ZNF518A: variants seen among roughly 807,000 people sequenced by gnomAD.
ZNF518A encodes zinc finger protein 518.
A neutral mutation model predicts 102.7 loss-of-function variants in ZNF518A; 47 were observed. The observed-to-expected ratio is 0.46, with a 90% CI of 0.36 to 0.58. The LOEUF (loss-of-function observed/expected upper bound fraction) is 0.58, where lower values mean the gene tolerates loss of function less well. ZNF518A is among the 20% of genes least tolerant of loss of function. The pLI, the probability that ZNF518A is intolerant of heterozygous loss-of-function variation, is 0.00. For synonymous variants in ZNF518A, 652 were observed against 594.6 expected, an observed-to-expected ratio of 1.10 and a Z score of -1.40; for missense variants, 1,793 against 1,699.8, an observed-to-expected ratio of 1.05 and a Z score of -0.96.
At chr10:96,167,902 G>A (rs1432884720), downstream of ZNF518A, among the ~76,000 whole-genome samples, 1 of 152,140 alleles carries the variant, frequency 6.6e-6, no homozygotes, top group Non-Finnish European at 1.5e-5. Context: ...AAAAGACAGC[G>A]TTTTTATTAC....
In ZNF518A at chr10:96,160,154, A is replaced by C. The variant is rs781865287; in HGVS notation, c.3832A>C (p.Lys1278Gln). The change falls in exon 6 of 6, where the codon AAA becomes CAA. Residue 1278 changes from lysine (K) to glutamine (Q), a missense_variant. Lys to Gln is a moderately conservative substitution (Grantham distance 53). This residue lies in a region of ZNF518A where 1,741 missense variants were observed against 1,622.6 expected (regional missense o/e 1.07). Coordinates refer to ENST00000316045, the MANE Select transcript of ZNF518A (RefSeq NM_001330736.2). Reference sequence around the variant, plus strand: ...CTTTGTATCTAGAAACAGAAACTGTAAACGAAAGTGTAGGGATAGTTACCA... The same window carrying C: ...CTTTGTATCTAGAAACAGAAACTGTCAACGAAAGTGTAGGGATAGTTACCA... ...TAFVSRNRNCKRKCRDSYQEP... is the reference protein window; with the variant it reads ...TAFVSRNRNCQRKCRDSYQEP... 1.8e-5 allele frequency: 29 copies of C among 1,609,772 alleles called. No homozygotes were observed. Among genetic ancestry groups the C allele is most frequent in the Non-Finnish European group, 2.5e-5 (29 of 1,178,308 alleles).
chr10:96,165,776 A>T (rs2083134593), downstream of ZNF518A, among the ~76,000 whole-genome samples: 1 of 152,122 alleles, frequency 6.6e-6, no homozygotes, highest in Admixed American at 6.5e-5. Flanking sequence ...AACTGACAAC[A>T]CATTATTACA....
At position 96,162,721 on chromosome 10, in the gene ZNF518A, CTTGT is replaced by C. The variant is rs1413313861; in HGVS notation, c.*1952_*1955del. On this transcript the variant is annotated 3_prime_UTR_variant, in exon 6 of 6. Coordinates refer to ENST00000316045, the MANE Select transcript of ZNF518A (RefSeq NM_001330736.2). ...AATGAACATTTTCAATTAAATTTAT[CTTGT>C]TTGTGTTTACACAATAATTTTTTTA... is the stretch of plus-strand genomic sequence containing the variant. The C allele has an allele frequency of 1.8e-5, 3 of 165,948 alleles. No homozygotes were observed. The highest frequency in any genetic ancestry group is 7.2e-5 in the African/African-American group (3 of 41,422). The allele number at this position is 165,948 out of a possible 1,614,324, so 10.3% of individuals were successfully genotyped here.
chr10:96,178,726 G>A (rs1456566733), intron 1 of ZNF518A, among the ~76,000 whole-genome samples: 1 of 151,974 alleles, frequency 6.6e-6, no homozygotes. Flanking sequence ...CGAGAAAAAT[G>A]TTAAAGAGGG....
intron 3 of ZNF518A, among the ~76,000 whole-genome samples, chr10:96,147,507 C>T (rs1591172032): frequency 6.6e-6 from 1 of 152,076 alleles, no homozygotes; most frequent in Admixed American, 6.5e-5. Context: ...CTTATAGTAA[C>T]AACTTGGGGA....
intron 3 of ZNF518A, among the ~76,000 whole-genome samples, chr10:96,136,176 A>C (rs2081586827): frequency 6.6e-6 from 1 of 152,004 alleles, no homozygotes; most frequent in South Asian, 2.1e-4. Flanking sequence ...CTTTGAAAAA[A>C]TGTGTATATT....
intron 1 of ZNF518A, chr10:96,189,895 C>A (rs1177637824): frequency 3.1e-5 from 32 of 1,048,796 alleles, no homozygotes; most frequent in Admixed American, 6.8e-5. Context: ...CACTAATATG[C>A]ACTGGCCCTG....
intron 1 of ZNF518A, among the ~76,000 whole-genome samples, chr10:96,186,756 G>A (rs587639626): frequency 6.6e-6 from 1 of 152,246 alleles, no homozygotes; most frequent in African/African-American, 2.4e-5. Context: ...ACTTTCCCAA[G>A]TTCACACAAT....
rs781955428 is a variant in ZNF518A, at chr10:96,158,524, C to T, written c.2202C>T (p.Tyr734=). 1.2e-6 allele frequency: 2 copies of T among 1,612,728 alleles called. No individual in the cohort carries two copies. Among genetic ancestry groups the T allele is most frequent in the South Asian group, 1.1e-5 (1 of 91,014 alleles). Residue 734 remains tyrosine (Y), a synonymous_variant, in exon 6 of 6, where the codon TAC becomes TAT. Transcript: ENST00000316045. Reference sequence around the variant, plus strand: ...AAAACATTGATGGACAAAACCTGTACAGTAATGAAAATCAAAATTTAGAGT... The same window carrying T: ...AAAACATTGATGGACAAAACCTGTATAGTAATGAAAATCAAAATTTAGAGT... The part of the protein sequence containing the change: ...KGQNIDGQNL[Y]SNENQNLECA...
At chr10:96,186,325 G>C (rs2083271602) in intron 1 of ZNF518A, among the ~76,000 whole-genome samples, 1 of 152,192 alleles carries the variant, frequency 6.6e-6, no homozygotes, top group Non-Finnish European at 1.5e-5. Context: ...GCAGACCGGA[G>C]CTGTTACTAT....
At chr10:96,170,956 A>G (rs1418346839) in intron 1 of ZNF518A, among the ~76,000 whole-genome samples, 1 of 152,178 alleles carries the variant, frequency 6.6e-6, no homozygotes, top group Non-Finnish European at 1.5e-5. Flanking sequence ...GCCAAAAAGC[A>G]CATGAAAAGA....
rs1001617172 is a variant in ZNF518A, at chr10:96,162,582, T to A, written c.*1808T>A. Reference sequence around the variant, plus strand: ...TTAGTGAAGTATTTTTTGTATAAAATGTTACAATTGTGTTTCTTAAATTGA... The same window carrying A: ...TTAGTGAAGTATTTTTTGTATAAAAAGTTACAATTGTGTTTCTTAAATTGA... On this transcript the variant is annotated 3_prime_UTR_variant, in exon 6 of 6. Coordinates refer to ENST00000316045, the MANE Select transcript of ZNF518A (RefSeq NM_001330736.2). The A allele has an allele frequency of 1.8e-5, 3 of 166,836 alleles. No homozygotes were observed. In the Admixed American group the frequency reaches 2.0e-4, roughly 11 times the overall value. The allele number at this position is 166,836 out of a possible 1,614,324, so 10.3% of individuals were successfully genotyped here.
intron 3 of ZNF518A, 133 bp from the exon 4 acceptor site, chr10:96,155,193 A>G (rs1554881782): frequency 1.3e-5 from 2 of 152,216 alleles, no homozygotes. Flanking sequence ...TGGTAATCAC[A>G]TAGAGTAATA....
At chr10:96,140,154 G>A (rs782129521) in intron 3 of ZNF518A, among the ~76,000 whole-genome samples, 3 of 152,080 alleles carry the variant, frequency 2.0e-5, no homozygotes, top group Admixed American at 2.0e-4. Flanking sequence ...CACCTCGCCC[G>A]GCCCAAGATC....
chr10:96,140,554 C>T, intron 3 of ZNF518A, among the ~76,000 whole-genome samples: 1 of 152,058 alleles, frequency 6.6e-6, no homozygotes, highest in Non-Finnish European at 1.5e-5. Flanking sequence ...GAAAATAATT[C>T]CTTTTCTATA....
At chr10:96,198,844 G>A (rs1554895314) in intron 1 of ZNF518A, among the ~76,000 whole-genome samples, 1 of 152,088 alleles carries the variant, frequency 6.6e-6, no homozygotes, top group African/African-American at 2.4e-5. Flanking sequence ...GATTATAGGC[G>A]CCCGCCATCA....
chr10:96,204,437 C>T (rs1487705085), downstream of ZNF518A: 24 of 1,331,532 alleles, frequency 1.8e-5, no homozygotes, highest in Non-Finnish European at 2.6e-5. Context: ...TTTTACCTAG[C>T]ACTGCAAGTC....
At chr10:96,133,972 G>A (rs1554873341) in intron 3 of ZNF518A, among the ~76,000 whole-genome samples, 5 of 152,142 alleles carry the variant, frequency 3.3e-5, no homozygotes, top group Admixed American at 2.0e-4. Context: ...ATTCACATGG[G>A]TACTGTGTTA....
rs1554892224 is a variant in ZNF518A at position 96,183,587 on chromosome 10, G to T, written n.36-19987G>T. ...TTGTTATTTACCCAGTGGTCATTCAGGAGCAGGTTGTTCAGTTTCCATGTA... is the reference window on the plus strand; with the variant it reads ...TTGTTATTTACCCAGTGGTCATTCATGAGCAGGTTGTTCAGTTTCCATGTA... On this transcript the variant is annotated intron_variant and non_coding_transcript_variant, in intron 1 of 2. Transcript: ENST00000442635. Among the ~76,000 whole-genome samples, 2 of 152,304 alleles carry T rather than the reference G, an allele frequency of 1.3e-5. 1 individual carries two copies. The highest frequency in any genetic ancestry group is 2.9e-5 in the Non-Finnish European group (2 of 68,030).
Sources: gnomAD v4.1 joint callset for allele counts (sites outside exome capture counted in the v4.1 genomes callset) on GRCh38, gnomAD v4.1.1 for gene constraint, gnomAD v4.1.1 regional missense constraint, MANE v1.5 for transcripts, NCBI Gene and HGNC (gene_info 2026-07-23, HGNC 2026-07-21) for gene names.